CLIC6: variants seen among roughly 807,000 people sequenced by gnomAD.
CLIC6 encodes chloride intracellular channel protein 6.
In CLIC6, 39 loss-of-function variants were observed where a neutral mutation model predicts 49.2. That is an observed-to-expected ratio of 0.79 (90% CI 0.61 to 1.04). CLIC6 has a LOEUF of 1.04. Ranked by LOEUF, CLIC6 falls within the 50% of genes least tolerant of loss-of-function variation. CLIC6 has a pLI of 0.00. For synonymous variants in CLIC6, 446 were observed against 433.4 expected (o/e 1.03, Z -0.36); for missense variants, 988 against 993.1 (o/e 0.99, Z 0.07).
intron 1 of CLIC6, among the ~76,000 whole-genome samples, chr21:34,671,470 G>T (rs1437737317): frequency 6.6e-6 from 1 of 152,166 alleles, no homozygotes. Context: ...TTTAACCTCA[G>T]TTCACATGGG....
At chr21:34,688,840 T>C (rs1462122821) in intron 1 of CLIC6, among the ~76,000 whole-genome samples, 1 of 152,190 alleles carries the variant, frequency 6.6e-6, no homozygotes, top group Admixed American at 6.5e-5. Context: ...AAGTAGCAAA[T>C]TCTGATGGCC....
intron 1 of CLIC6, among the ~76,000 whole-genome samples, chr21:34,675,196 A>G (rs1382206575): frequency 6.6e-6 from 1 of 151,798 alleles, no homozygotes; most frequent in African/African-American, 2.4e-5. Flanking sequence ...GTAAAACTCA[A>G]GAAGGACATG....
At chr21:34,674,148 A>G (rs143321218) in intron 1 of CLIC6, among the ~76,000 whole-genome samples, 1 of 152,152 alleles carries the variant, frequency 6.6e-6, no homozygotes, top group Non-Finnish European at 1.5e-5. Context: ...ACAGGGTCTC[A>G]CTATGTTGCC....
intron 1 of CLIC6, 121 bp downstream of exon 1, chr21:34,670,883 G>A: frequency 8.8e-7 from 1 of 1,130,930 alleles, no homozygotes; most frequent in South Asian, 1.7e-5. Flanking sequence ...GTCATCAGGC[G>A]CTTCCATGCG....
At position 34,669,912 on chromosome 21, in the gene CLIC6, C is replaced by G; in HGVS notation, c.524C>G (p.Pro175Arg). The change falls in exon 1 of 6, where the codon CCG becomes CGG. Residue 175 changes from proline (P) to arginine (R), a missense_variant. By Grantham distance (103) the Pro-to-Arg change is moderately radical (BLOSUM62 -2). Transcript: ENST00000349499. ...GGGGACAACATAGAAGCGGAGGGCC[C>G]GGCGGGCGACAGCGTAGAGGCGGAG... Reference protein sequence around the residue: ...PLGDNIEAEGPAGDSVEAEGR... With the variant: ...PLGDNIEAEGRAGDSVEAEGR... 1.1e-5 allele frequency: 15 copies of G among 1,314,168 alleles called. No homozygotes were observed. Among genetic ancestry groups the G allele is most frequent in the Non-Finnish European group, 1.5e-5 (15 of 1,030,704 alleles). The allele number at this position is 1,314,168 out of a possible 1,614,324, so 81.4% of individuals were successfully genotyped here.
intron 1 of CLIC6, 39 bp from the exon 2 acceptor site, chr21:34,707,241 G>A (rs770187791): frequency 3.4e-6 from 5 of 1,467,554 alleles, no homozygotes; most frequent in African/African-American, 2.8e-5. Flanking sequence ...TTATAATTGT[G>A]AGACTGGCTC....
At chr21:34,676,107 G>A (rs1253923382) in intron 1 of CLIC6, among the ~76,000 whole-genome samples, 1 of 152,188 alleles carries the variant, frequency 6.6e-6, no homozygotes, top group Non-Finnish European at 1.5e-5. Flanking sequence ...GTTTCACACA[G>A]CCAGCCTTTG....
intron 1 of CLIC6, among the ~76,000 whole-genome samples, chr21:34,701,369 A>T (rs1190920741): frequency 6.6e-6 from 1 of 151,766 alleles, no homozygotes; most frequent in Non-Finnish European, 1.5e-5. Context: ...AATTTGGCAT[A>T]AAAATCTCAC....
rs114964772 is a variant in CLIC6 at position 34,683,518 on chromosome 21, C to T, written c.1374+12756C>T. Among the ~76,000 whole-genome samples, 348 of 152,228 alleles carry T rather than the reference C, an allele frequency of 2.3e-3. 2 individuals are homozygous for T. The highest frequency in any genetic ancestry group is 7.9e-3 in the African/African-American group (328 of 41,542). On this transcript the variant is annotated intron_variant, in intron 1 of 5. Coordinates refer to ENST00000349499, the MANE Select transcript of CLIC6 (RefSeq NM_053277.3). ...GAAGCCTACCTATAGCTTATGTTTA[C>T]GGAGTGGGAGGGTGATATGGTTTGG...
chr21:34,669,810 C>T lies in CLIC6; in HGVS notation c.422C>T (p.Ala141Val), dbSNP rs969364261. ...GCGGCCCCCGAGAGGCAGGAGGAGG[C>T]GGAGCAGAGGCCTGAGGTCCCGGAA... is the stretch of plus-strand genomic sequence containing the variant. The part of the protein sequence containing the change: ...DSAAPERQEE[A>V]EQRPEVPEGS... Residue 141 changes from alanine to valine, a missense_variant, in exon 1 of 6, where the codon GCG (alanine) becomes GTG (valine). Ala to Val is a moderately conservative substitution (Grantham distance 64). Coordinates refer to ENST00000349499, the MANE Select transcript of CLIC6 (RefSeq NM_053277.3). The T allele has an allele frequency of 4.1e-5, 58 of 1,419,718 alleles. No homozygotes were observed. In the South Asian group the frequency reaches 8.2e-4, roughly 20 times the overall value. The allele number at this position is 1,419,718 out of a possible 1,614,324, so 87.9% of individuals were successfully genotyped here. A position where few individuals can be genotyped will look rare whatever the true frequency, so the allele number is the denominator to read the frequency against.
rs1368751187 is a variant in CLIC6 at position 34,707,842 on chromosome 21, C to CA, written c.1485-100dup. 33 of 1,278,740 alleles carry CA rather than the reference C, an allele frequency of 2.6e-5. 2 individuals carry two copies. In the South Asian group the frequency reaches 4.3e-4, roughly 17 times the overall value. 79.2% of individuals were successfully genotyped at this position (1,278,740 alleles called of 1,614,324 possible). A position where few individuals can be genotyped will look rare whatever the true frequency, so the allele number is the denominator to read the frequency against. On this transcript the variant is annotated intron_variant, in intron 2 of 5. Coordinates refer to ENST00000349499, the MANE Select transcript of CLIC6 (RefSeq NM_053277.3). ...AACCCACCATCTACTTTGCAGTTCT[C>CA]AAGAGTTGCTTCTCTTAAACTGGTG...
In CLIC6 at chr21:34,669,433, G is replaced by C. The variant is rs1448022577; in HGVS notation, c.45G>C (p.Gln15His). The C allele has an allele frequency of 1.6e-6, 2 of 1,234,756 alleles. No homozygotes were observed. Among genetic ancestry groups the C allele is most frequent in the Non-Finnish European group, 2.0e-6 (2 of 989,908 alleles). 76.5% of individuals were successfully genotyped at this position (1,234,756 alleles called of 1,614,324 possible). A position where few individuals can be genotyped will look rare whatever the true frequency, so the allele number is the denominator to read the frequency against. The change falls in exon 1 of 6, where the codon CAG becomes CAC. Residue 15 changes from glutamine to histidine, a missense_variant. Coordinates refer to ENST00000349499, the MANE Select transcript of CLIC6 (RefSeq NM_053277.3). ...CGGAGGGGGTTGCCCCGGGTCCCCA[G>C]GGGCCGCCGGAGGTCCCCGCGCCTC... ...AEPEGVAPGP[Q>H]GPPEVPAPLA...
chr21:34,689,146 C>G (rs976495346), intron 1 of CLIC6, among the ~76,000 whole-genome samples: 14 of 152,214 alleles, frequency 9.2e-5, no homozygotes, highest in African/African-American at 3.4e-4. Context: ...TTGAAGCCAA[C>G]AGCCCTCTTG....
Position 34,686,898 on chromosome 21 carries a change from A to G in CLIC6, c.1374+16136A>G, listed in dbSNP as rs565765447. Among the ~76,000 whole-genome samples the G allele has an allele frequency of 3.3e-5, 5 of 152,292 alleles. No individual in the cohort carries two copies. In the South Asian group the frequency reaches 1.0e-3, roughly 32 times the overall value. On this transcript the variant is annotated intron_variant, in intron 1 of 5. Coordinates refer to ENST00000349499, the MANE Select transcript of CLIC6 (RefSeq NM_053277.3). Reference sequence around the variant, plus strand: ...GTATGAAACTGTCTTGGCCCCTCAGAGCAGCCCATCTGCCAGCTGAACACT... The same window carrying G: ...GTATGAAACTGTCTTGGCCCCTCAGGGCAGCCCATCTGCCAGCTGAACACT...
At chr21:34,714,596 GAA>G (rs534533899) in intron 5 of CLIC6, among the ~76,000 whole-genome samples, 3 of 151,388 alleles carry the variant, frequency 2.0e-5, no homozygotes, top group Non-Finnish European at 4.4e-5. Context: ...GCTGAGGGAG[GAA>G]AATCGCTTGA....
intron 1 of CLIC6, among the ~76,000 whole-genome samples, chr21:34,698,605 G>T (rs1990132632): frequency 6.6e-6 from 1 of 152,140 alleles, no homozygotes; most frequent in Non-Finnish European, 1.5e-5. Flanking sequence ...GTTGTGTCAG[G>T]CATTGTTCTA....
intron 1 of CLIC6, among the ~76,000 whole-genome samples, chr21:34,694,827 C>A (rs563698120): frequency 6.6e-6 from 1 of 152,364 alleles, no homozygotes; most frequent in Admixed American, 6.5e-5. Flanking sequence ...CCATGGCCAT[C>A]ATGCAAGTCT....
chr21:34,699,123 TG>T (rs1990141691), intron 1 of CLIC6, among the ~76,000 whole-genome samples: 1 of 152,208 alleles, frequency 6.6e-6, no homozygotes, highest in Non-Finnish European at 1.5e-5. Context: ...GTTTATAAAA[TG>T]GGATGAATAA....
intron 1 of CLIC6, among the ~76,000 whole-genome samples, chr21:34,692,561 C>G (rs187022381): frequency 4.1e-4 from 63 of 152,308 alleles, no homozygotes; most frequent in African/African-American, 1.3e-3. Flanking sequence ...CATAATAATT[C>G]CCTTAAGAAC....
Sources: allele counts gnomAD v4.1 joint callset (sites outside exome capture counted in the v4.1 genomes callset), GRCh38; gene constraint gnomAD v4.1.1; transcripts MANE v1.5; gene names NCBI Gene and HGNC (gene_info 2026-07-23, HGNC 2026-07-21).